EPHB1: variants seen among roughly 807,000 people sequenced by gnomAD.
The protein encoded by EPHB1 is ephrin type-B receptor 1.
Under a neutral mutation model 94.4 loss-of-function variants are expected in EPHB1, and 30 were observed. The observed-to-expected ratio is 0.32, with a 90% CI of 0.24 to 0.43. EPHB1 has a LOEUF of 0.43. Among genes scored for constraint, EPHB1 ranks in the 20% least tolerant of loss-of-function variants. EPHB1 has a pLI of 1.00. For synonymous variants in EPHB1, 522 were observed against 489.1 expected (o/e 1.07, Z -0.89); for missense variants, 1,055 against 1,308.3 (o/e 0.81, Z 2.99).
In EPHB1 at chr3:135,034,331, T is replaced by A. The variant is rs184213314; in HGVS notation, c.806-72117T>A. ...CCTTCATGGTCCACTGGAGATAAAATATGCACCTCCCGTTCAGGGAGGGCA... is the reference window on the plus strand; with the variant it reads ...CCTTCATGGTCCACTGGAGATAAAAAATGCACCTCCCGTTCAGGGAGGGCA... On this transcript the variant is annotated intron_variant, in intron 3 of 15. Transcript: ENST00000398015. 6.0e-3 allele frequency among the ~76,000 whole-genome samples: 916 copies of A among 152,116 alleles called. 4 individuals carry two copies. The highest frequency in any genetic ancestry group is 9.4e-3 in the Non-Finnish European group (636 of 68,014).
At chr3:134,911,828 C>T (rs991552909) in intron 1 of EPHB1, among the ~76,000 whole-genome samples, 2 of 152,198 alleles carry the variant, frequency 1.3e-5, no homozygotes, top group South Asian at 2.1e-4. Context: ...CCCACTCTTT[C>T]CTTCCCTGAC....
At chr3:134,814,848 T>G (rs1016235838) in intron 1 of EPHB1, among the ~76,000 whole-genome samples, 2 of 152,208 alleles carry the variant, frequency 1.3e-5, no homozygotes, top group Non-Finnish European at 2.9e-5. Flanking sequence ...CGGTCTTCTT[T>G]GGTGTCACCA....
chr3:135,174,135 G>C (rs924205788), intron 9 of EPHB1, among the ~76,000 whole-genome samples: 1 of 152,150 alleles, frequency 6.6e-6, no homozygotes, highest in African/African-American at 2.4e-5. Flanking sequence ...GCATGCAAAT[G>C]CTGCAGCTTG....
chr3:135,076,260 T>TATATATATATATA (rs1424213544), intron 3 of EPHB1, among the ~76,000 whole-genome samples: 1 of 104,348 alleles, frequency 9.6e-6, no homozygotes, highest in African/African-American at 3.6e-5. Flanking sequence ...TATATATATA[T>TATATATATATATA]AACTCTTAAA....
chr3:134,889,642 T>G (rs2037928467), intron 1 of EPHB1, among the ~76,000 whole-genome samples: 1 of 152,160 alleles, frequency 6.6e-6, no homozygotes, highest in Admixed American at 6.5e-5. Flanking sequence ...AGCTCTTTTT[T>G]TTGAAAGTTT....
intron 3 of EPHB1, among the ~76,000 whole-genome samples, chr3:135,056,934 C>G (rs1937366278): frequency 6.6e-6 from 1 of 152,202 alleles, no homozygotes; most frequent in South Asian, 2.1e-4. Context: ...ACCTGCTCCT[C>G]CCCAGCTCAG....
At chr3:135,056,328 G>C (rs1576350730) in intron 3 of EPHB1, among the ~76,000 whole-genome samples, 1 of 152,198 alleles carries the variant, frequency 6.6e-6, no homozygotes, top group South Asian at 2.1e-4. Context: ...TCTCCGTCAG[G>C]CTGCGTCATC....
intron 3 of EPHB1, among the ~76,000 whole-genome samples, chr3:135,054,574 C>A (rs1159558285): frequency 6.6e-6 from 1 of 152,196 alleles, no homozygotes; most frequent in African/African-American, 2.4e-5. Flanking sequence ...CTAACCCCCC[C>A]ATTATTGTTG....
intron 15 of EPHB1, among the ~76,000 whole-genome samples, chr3:135,257,422 T>C (rs1375084720): frequency 1.3e-5 from 2 of 151,826 alleles, no homozygotes; most frequent in Non-Finnish European, 2.9e-5. Context: ...TGTTTGTTAG[T>C]TTTCCTTCTA....
intron 12 of EPHB1, among the ~76,000 whole-genome samples, chr3:135,210,231 C>T (rs144141112): frequency 6.6e-6 from 1 of 152,096 alleles, no homozygotes; most frequent in Non-Finnish European, 1.5e-5. Flanking sequence ...TAGTCTGGAC[C>T]TTTTCATTGT....
intron 3 of EPHB1, among the ~76,000 whole-genome samples, chr3:135,078,013 C>CT (rs966784356): frequency 2.6e-5 from 4 of 152,170 alleles, no homozygotes; most frequent in Non-Finnish European, 5.9e-5. Flanking sequence ...GAAGTAGGTG[C>CT]TATTATTACC....
At chr3:134,859,907 C>T (rs990912760) in intron 1 of EPHB1, among the ~76,000 whole-genome samples, 2 of 152,082 alleles carry the variant, frequency 1.3e-5, no homozygotes, top group Admixed American at 6.5e-5. Context: ...CTTTTCTTTG[C>T]TTTACATAAC....
chr3:134,984,179 G>A (rs1934511729), intron 3 of EPHB1, among the ~76,000 whole-genome samples: 1 of 152,186 alleles, frequency 6.6e-6, no homozygotes, highest in Admixed American at 6.5e-5. Context: ...CACTGTGTCT[G>A]TGCCTCTTTG....
intron 15 of EPHB1, among the ~76,000 whole-genome samples, chr3:135,257,956 G>T (rs551267624): frequency 3.3e-5 from 5 of 152,154 alleles, no homozygotes; most frequent in African/African-American, 1.2e-4. Context: ...GCAGTATTCG[G>T]GTGGGAGTGA....
chr3:134,921,573 A>G (rs1434303500), intron 1 of EPHB1, among the ~76,000 whole-genome samples: 2 of 152,230 alleles, frequency 1.3e-5, no homozygotes, highest in African/African-American at 2.4e-5. Context: ...TATCCCCAAC[A>G]TGTGTTATTC....
At chr3:134,900,082 A>T (rs2038170887) in intron 1 of EPHB1, among the ~76,000 whole-genome samples, 1 of 152,176 alleles carries the variant, frequency 6.6e-6, no homozygotes, top group Non-Finnish European at 1.5e-5. Flanking sequence ...GTTGCAGTAT[A>T]TACTGAGGCT....
At chr3:134,810,072 G>C (rs1393102032) in intron 1 of EPHB1, among the ~76,000 whole-genome samples, 1 of 152,196 alleles carries the variant, frequency 6.6e-6, no homozygotes, top group Non-Finnish European at 1.5e-5. Flanking sequence ...CAACTATTGT[G>C]AGCTTTCAAC....
chr3:135,041,884 T>TGA (rs59130159), intron 3 of EPHB1, among the ~76,000 whole-genome samples: 19,495 of 151,338 alleles, frequency 0.13, 1,624 homozygotes, highest in African/African-American at 0.23. Context: ...CCTGCACACA[T>TGA]GAGAGAGAGA....
chr3:134,845,274 A>G (rs2108297690), intron 1 of EPHB1, among the ~76,000 whole-genome samples: 1 of 152,304 alleles, frequency 6.6e-6, no homozygotes, highest in East Asian at 1.9e-4. Flanking sequence ...GTTTTTTTGT[A>G]ACTATTAATT....
Sources: allele counts gnomAD v4.1 joint callset (sites outside exome capture counted in the v4.1 genomes callset), GRCh38; gene constraint gnomAD v4.1.1; transcripts MANE v1.5; gene names NCBI Gene and HGNC (gene_info 2026-07-23, HGNC 2026-07-21).